Variants in CHD5 observed in about 807,000 individuals in gnomAD.
CHD5 encodes ATP-dependent chromatin remodeler CHD5.
CHD5 carries 69 observed loss-of-function variants against 230.3 expected under a neutral mutation model. That is an observed-to-expected ratio of 0.30 (90% CI 0.25 to 0.37). CHD5 has a LOEUF of 0.37. Among genes scored for constraint, CHD5 ranks in the 10% least tolerant of loss-of-function variants. The pLI is 1.00. For synonymous variants in CHD5, 1,064 were observed against 1,065.9 expected (o/e 1.00, Z 0.03); for missense variants, 1,827 against 2,622.8 (o/e 0.70, Z 6.63).
At chr1:6,149,469 C>T (rs1666966042) in intron 7 of CHD5, 57 bp from the exon 8 acceptor site, 1 of 1,532,646 alleles carries the variant, frequency 6.5e-7, no homozygotes, top group Non-Finnish European at 8.9e-7. Flanking sequence ...AGCACACAAC[C>T]AACTGCATCG....
At chr1:6,158,329 G>A (rs959547370) in intron 3 of CHD5, among the ~76,000 whole-genome samples, 5 of 152,212 alleles carry the variant, frequency 3.3e-5, no homozygotes, top group Non-Finnish European at 5.9e-5. Context: ...AGGAGACTCC[G>A]GGAATGCCTG....
Position 6,154,582 on chromosome 1 carries a change from G to T in CHD5, c.745+78C>A. Reference sequence around the variant, plus strand: ...CAGCTGCCCCTCCCTGCCCGCGTCTGCCCCGTGGCTTCTCCTATAGGGTCT... The same window carrying T: ...CAGCTGCCCCTCCCTGCCCGCGTCTTCCCCGTGGCTTCTCCTATAGGGTCT... On this transcript the variant is annotated intron_variant, in intron 5 of 41. Coordinates refer to ENST00000262450, the MANE Select transcript of CHD5 (RefSeq NM_015557.3). The surrounding 1 kb of genome is among the most constrained non-coding windows in gnomAD (Gnocchi z 7.0). The T allele has an allele frequency of 7.4e-7, 1 of 1,344,344 alleles. No homozygotes were observed. The highest frequency in any genetic ancestry group is 1.0e-6 in the Non-Finnish European group (1 of 998,338). The allele number at this position is 1,344,344 out of a possible 1,614,324, so 83.3% of individuals were successfully genotyped here. A position where few individuals can be genotyped will look rare whatever the true frequency, so the allele number is the denominator to read the frequency against.
intron 20 of CHD5, among the ~76,000 whole-genome samples, chr1:6,132,251 G>A (rs11800057): frequency 0.027 from 4,105 of 152,192 alleles, 186 homozygotes; most frequent in African/African-American, 0.093. Flanking sequence ...CTTTATTCTC[G>A]AGAGAGAGTT....
In CHD5 at chr1:6,102,225, T is replaced by C. The variant is rs1410850493; in HGVS notation, c.*3249A>G. ...CACACCCAACGGGCCCTTTCTGGGT[T>C]ATCGCACCTAAAAAAATACTTTGTT... On this transcript the variant is annotated 3_prime_UTR_variant, in exon 42 of 42. Transcript: ENST00000262450. 1.1e-4 allele frequency: 17 copies of C among 156,480 alleles called. No individual in the cohort carries two copies. In the South Asian group the frequency reaches 2.7e-3, roughly 25 times the overall value. The allele number at this position is 156,480 out of a possible 1,614,324, so 9.7% of individuals were successfully genotyped here. A position where few individuals can be genotyped will look rare whatever the true frequency, so the allele number is the denominator to read the frequency against.
Position 6,103,154 on chromosome 1 carries a change from A to G in CHD5, c.*2320T>C, listed in dbSNP as rs1420864603. 6.6e-6 allele frequency: 1 copy of G among 152,360 alleles called. No homozygotes were observed. Among genetic ancestry groups the G allele is most frequent in the Admixed American group, 6.5e-5 (1 of 15,286 alleles). 9.4% of individuals were successfully genotyped at this position (152,360 alleles called of 1,614,324 possible). On this transcript the variant is annotated 3_prime_UTR_variant, in exon 42 of 42. Transcript: ENST00000262450. ...TTCTCAGATCTTTTCTCCTCTCCCAAACTGGTCAGCCCCAAACCCGCTCTG... is the reference window on the plus strand; with the variant it reads ...TTCTCAGATCTTTTCTCCTCTCCCAGACTGGTCAGCCCCAAACCCGCTCTG...
At position 6,142,544 on chromosome 1, in the gene CHD5, G is replaced by A. The variant is rs146566155; in HGVS notation, c.2105C>T (p.Pro702Leu). Residue 702 changes from proline to leucine, a missense_variant, in exon 14 of 42, where the codon CCG (proline) becomes CTG (leucine). Pro to Leu is a moderately conservative substitution (Grantham distance 98). Coordinates refer to ENST00000262450, the MANE Select transcript of CHD5 (RefSeq NM_015557.3). This position sits in a 1 kb window ranked among gnomAD's most constrained non-coding sequence, Gnocchi z 5.2. The stretch of plus-strand genomic sequence containing the variant: ...CCAGTTGAGGCCCTCCAGCTGGTAC[G>A]GGTGCAGTGTGCCGCCTGTGGAGTC... ...YIDSTGGTLHPYQLEGLNWLR... is the reference protein window; with the variant it reads ...YIDSTGGTLHLYQLEGLNWLR... 2.4e-5 allele frequency: 39 copies of A among 1,614,018 alleles called. No homozygotes were observed. The highest frequency in any genetic ancestry group is 2.2e-4 in the Admixed American group (13 of 60,012).
chr1:6,130,056 C>T lies in CHD5; in HGVS notation c.3387+148G>A. The T allele has an allele frequency of 1.1e-6, 1 of 894,216 alleles. No individual in the cohort carries two copies. Among genetic ancestry groups the T allele is most frequent in the South Asian group, 1.5e-5 (1 of 64,518 alleles). The allele number at this position is 894,216 out of a possible 1,614,324, so 55.4% of individuals were successfully genotyped here. A position where few individuals can be genotyped will look rare whatever the true frequency, so the allele number is the denominator to read the frequency against. On this transcript the variant is annotated intron_variant, in intron 22 of 41. Transcript: ENST00000262450. This position sits in a 1 kb window ranked among gnomAD's most constrained non-coding sequence, Gnocchi z 4.9. ...GCTTCCACTCACTCCCAGAGCCCCT[C>T]TTGGGGCCGAGACTCCACGGGGGAG...
In CHD5 at chr1:6,118,378, CAA is replaced by C. The variant is rs60950909; in HGVS notation, c.4912+2725_4912+2726del. 7.2e-3 allele frequency among the ~76,000 whole-genome samples: 569 copies of C among 79,172 alleles called. 3 individuals carry two copies. Among genetic ancestry groups the C allele is most frequent in the African/African-American group, 0.023 (471 of 20,896 alleles). 51.9% of individuals were successfully genotyped at this position (79,172 alleles called of 152,430 possible). ...TGGGTGATAGAGCAAGACCCTGTCT[CAA>C]AAAAAAAAAAAAAAAAAAAGGAATG... On this transcript the variant is annotated intron_variant, in intron 33 of 41. Transcript: ENST00000262450.
At chr1:6,159,227 TCACACA>T (rs56933510) in intron 3 of CHD5, 103 bp downstream of exon 3, 86,489 of 1,388,690 alleles carry the variant, frequency 0.062, 629 homozygotes, top group South Asian at 0.11. Context: ...TGAGACTCCA[TCACACA>T]CACACACACA....
chr1:6,125,146 G>A lies in CHD5; in HGVS notation c.4348C>T (p.His1450Tyr), dbSNP rs1666534396. The change falls in exon 29 of 42, where the codon CAC (histidine) becomes TAC (tyrosine). Residue 1450 changes from histidine to tyrosine, a missense_variant. This residue lies in a region of CHD5 where 108 missense variants were observed against 152.4 expected (regional missense o/e 0.71). Transcript: ENST00000262450. The surrounding 1 kb of genome is among the most constrained non-coding windows in gnomAD (Gnocchi z 6.7). ...GMPPQDAFNS[H>Y]WLVRDLRGKS... ...CCTCGAAGGTCCCGCACCAGCCAGT[G>A]GGAGTTGAAGGCGTCCTGCGGGGGC... 1 of 1,605,948 alleles carries A rather than the reference G, an allele frequency of 6.2e-7. No homozygotes were observed. Among genetic ancestry groups the A allele is most frequent in the Non-Finnish European group, 8.5e-7 (1 of 1,176,494 alleles).
At chr1:6,117,327 G>A (rs1571142086) in intron 33 of CHD5, among the ~76,000 whole-genome samples, 2 of 152,080 alleles carry the variant, frequency 1.3e-5, no homozygotes, top group Non-Finnish European at 2.9e-5. Context: ...ACAAAAGATA[G>A]ACCTAAAACA....
At chr1:6,112,847 G>T (rs1666315138) in intron 34 of CHD5, 62 bp downstream of exon 34, 2 of 1,275,234 alleles carry the variant, frequency 1.6e-6, no homozygotes, top group Non-Finnish European at 2.3e-6. Context: ...GCTGAACAGG[G>T]TCCAGAGGGC....
chr1:6,110,108 T>C, intron 37 of CHD5, 118 bp from the exon 38 acceptor site: 1 of 1,014,576 alleles, frequency 9.9e-7, no homozygotes, highest in Non-Finnish European at 1.4e-6. Flanking sequence ...GAGGACGTAC[T>C]GCCATCTGCT....
chr1:6,167,980 C>T lies in CHD5; in HGVS notation c.207+170G>A, dbSNP rs188587076. On this transcript the variant is annotated intron_variant, in intron 2 of 41. Coordinates refer to ENST00000262450, the MANE Select transcript of CHD5 (RefSeq NM_015557.3). The surrounding 1 kb of genome is among the most constrained non-coding windows in gnomAD (Gnocchi z 4.5). ...CTCAGCAACGTCTTAAAAAGGCTTC[C>T]GTGCACAACGCTTCATACGAGAAAC... Among the ~76,000 whole-genome samples the T allele has an allele frequency of 2.6e-3, 403 of 152,272 alleles. 4 individuals carry two copies. Among genetic ancestry groups the T allele is most frequent in the African/African-American group, 9.1e-3 (380 of 41,548 alleles).
intron 38 of CHD5, among the ~76,000 whole-genome samples, chr1:6,107,217 G>A (rs1666195186): frequency 6.9e-6 from 1 of 145,420 alleles, no homozygotes. Context: ...GATGATGGAG[G>A]GATGGAGGGA....
chr1:6,162,318 G>A (rs570909158), intron 2 of CHD5, among the ~76,000 whole-genome samples: 8 of 152,034 alleles, frequency 5.3e-5, no homozygotes, highest in South Asian at 4.2e-4. Context: ...CCTGGGAGGC[G>A]GAGGTTGCAG....
In CHD5 at chr1:6,142,043, A is replaced by C; in HGVS notation, c.2436+85T>G. The C allele has an allele frequency of 2.4e-6, 3 of 1,230,380 alleles. No individual in the cohort carries two copies. The highest frequency in any genetic ancestry group is 3.5e-6 in the Non-Finnish European group (3 of 847,002). 76.2% of individuals were successfully genotyped at this position (1,230,380 alleles called of 1,614,324 possible). A position where few individuals can be genotyped will look rare whatever the true frequency, so the allele number is the denominator to read the frequency against. ...CTCGGTAGCCCTCCCAGGCTGAGGG[A>C]CCCCAAAGGAGTGCACGGCACCCGT... On this transcript the variant is annotated intron_variant, in intron 15 of 41. Coordinates refer to ENST00000262450, the MANE Select transcript of CHD5 (RefSeq NM_015557.3). This position sits in a 1 kb window ranked among gnomAD's most constrained non-coding sequence, Gnocchi z 5.2.
chr1:6,124,365 C>A, intron 30 of CHD5, 152 bp downstream of exon 30: 1 of 922,072 alleles, frequency 1.1e-6, no homozygotes. Flanking sequence ...CCCAGAAAGG[C>A]TTTCCAGGTC....
At chr1:6,150,526 T>TGGATGGATAGC (rs1553141486) in intron 7 of CHD5, among the ~76,000 whole-genome samples, 1 of 149,978 alleles carries the variant, frequency 6.7e-6, no homozygotes, top group Non-Finnish European at 1.5e-5. Context: ...GGATGGATGG[T>TGGATGGATAGC]GGATGGATAG....
Sources: gnomAD v4.1 joint callset for allele counts (sites outside exome capture counted in the v4.1 genomes callset) on GRCh38, gnomAD v4.1.1 for gene constraint, gnomAD v4.1.1 regional missense constraint, Gnocchi (gnomAD v3.1) non-coding constraint, MANE v1.5 for transcripts, NCBI Gene and HGNC (gene_info 2026-07-23, HGNC 2026-07-21) for gene names.